The following RANBP3 variants were observed in gnomAD, a reference collection of about 807,000 sequenced individuals.
RANBP3 encodes the protein RAN binding protein 3, also known as ran-binding protein 3.
In RANBP3, 14 loss-of-function variants were observed where a neutral mutation model predicts 77.3. The observed-to-expected ratio is 0.18, with a 90% CI of 0.12 to 0.28. The LOEUF is 0.28. RANBP3 is among the 10% of genes least tolerant of loss of function. The pLI, the probability that RANBP3 is intolerant of heterozygous loss-of-function variation, is 1.00. For synonymous variants in RANBP3, 315 were observed against 312.4 expected (o/e 1.01, Z -0.09); for missense variants, 586 against 752.3 (o/e 0.78, Z 2.59).
chr19:5,960,022 C>A (rs922373147), intron 1 of RANBP3, among the ~76,000 whole-genome samples: 6 of 152,136 alleles, frequency 3.9e-5, no homozygotes, highest in African/African-American at 1.4e-4. Flanking sequence ...ATGAACAAGG[C>A]CAGGCCTTTC....
chr19:5,946,925 G>A (rs1396283790), intron 3 of RANBP3, among the ~76,000 whole-genome samples: 1 of 152,212 alleles, frequency 6.6e-6, no homozygotes, highest in Non-Finnish European at 1.5e-5. Context: ...CCCAAACAAG[G>A]CAGTGGGTCC....
At position 5,917,283 on chromosome 19, in the gene RANBP3, C is replaced by T. The variant is rs551600147; in HGVS notation, c.*327G>A. Reference sequence around the variant, plus strand: ...GGCTCTGGCTGGACCCAGAGGCTGGCGACACGCGGGGTGAAGGAACGAGGT... The same window carrying T: ...GGCTCTGGCTGGACCCAGAGGCTGGTGACACGCGGGGTGAAGGAACGAGGT... On this transcript the variant is annotated 3_prime_UTR_variant, in exon 17 of 17. Coordinates refer to ENST00000340578, the MANE Select transcript of RANBP3 (RefSeq NM_007322.3). 4 of 397,814 alleles carry T rather than the reference C, an allele frequency of 1.0e-5. No homozygotes were observed. The highest frequency in any genetic ancestry group is 4.5e-5 in the Admixed American group (1 of 22,444). The allele number at this position is 397,814 out of a possible 1,614,324, so 24.6% of individuals were successfully genotyped here. A position where few individuals can be genotyped will look rare whatever the true frequency, so the allele number is the denominator to read the frequency against.
intron 16 of RANBP3, 28 bp from the exon 17 acceptor site, chr19:5,917,681 G>A (rs1389599522): frequency 6.2e-7 from 1 of 1,603,766 alleles, no homozygotes; most frequent in Admixed American, 1.7e-5. Context: ...CCCCGCATCA[G>A]GATGGAGCCC....
In RANBP3 at chr19:5,917,604, C is replaced by A; in HGVS notation, c.*6G>T. ...GCAGCCTGGTGTGCAGCCGGGCTCC[C>A]GGCCGCTATGTGCTCCCGGTCGTCT... On this transcript the variant is annotated 3_prime_UTR_variant, in exon 17 of 17. Transcript: ENST00000340578. 2 of 1,595,846 alleles carry A rather than the reference C, an allele frequency of 1.3e-6. No homozygotes were observed. Among genetic ancestry groups the A allele is most frequent in the Non-Finnish European group, 1.7e-6 (2 of 1,175,056 alleles).
At chr19:5,937,056 C>CAAAAAAAAA (rs71172783) in intron 5 of RANBP3, among the ~76,000 whole-genome samples, 464 of 37,154 alleles carry the variant, frequency 0.012, 53 homozygotes, top group African/African-American at 0.021. Flanking sequence ...ACTCTGTCTC[C>CAAAAAAAAA]AAAAAAAAAA....
At chr19:5,917,768 C>A (rs3745632) in intron 16 of RANBP3, 26 bp downstream of exon 16, 5 of 1,596,146 alleles carry the variant, frequency 3.1e-6, no homozygotes, top group East Asian at 2.2e-5. Context: ...TTCTATCCCC[C>A]CCAGGGTAGG....
chr19:5,954,447 T>A (rs1186914254), intron 2 of RANBP3, among the ~76,000 whole-genome samples: 1 of 152,088 alleles, frequency 6.6e-6, no homozygotes, highest in Non-Finnish European at 1.5e-5. Context: ...AATGGCCTCA[T>A]CCCTATGAGA....
At chr19:5,971,329 TTCTC>T (rs955586400) in intron 1 of RANBP3, among the ~76,000 whole-genome samples, 2 of 152,182 alleles carry the variant, frequency 1.3e-5, no homozygotes, top group African/African-American at 2.4e-5. Context: ...GATAGCTGAA[TTCTC>T]TCTCTTTTTT....
Position 5,926,909 on chromosome 19 carries a change from A to G in RANBP3, c.813+1059T>C, listed in dbSNP as rs2057918001. On this transcript the variant is annotated intron_variant, in intron 9 of 16. Transcript: ENST00000340578. ...GAAAACACAAGCCGGTGCTTTCTGC[A>G]TGCTAGAGAGGTTTTTGTTTATTTC... 2.6e-5 allele frequency among the ~76,000 whole-genome samples: 4 copies of G among 152,190 alleles called. No homozygotes were observed. The South Asian group carries it at 8.3e-4, about 31-fold the overall frequency.
At chr19:5,976,738 G>A (rs1252815791) in intron 1 of RANBP3, among the ~76,000 whole-genome samples, 3 of 152,130 alleles carry the variant, frequency 2.0e-5, no homozygotes, top group Admixed American at 6.5e-5. Context: ...GCTAGACTCC[G>A]TCCCAAAAAA....
At chr19:5,975,655 G>C (rs1184200981) in intron 1 of RANBP3, among the ~76,000 whole-genome samples, 1 of 145,938 alleles carries the variant, frequency 6.9e-6, no homozygotes, top group Non-Finnish European at 1.5e-5. Context: ...GTAATATCTA[G>C]CATGCCGGAT....
intron 1 of RANBP3, among the ~76,000 whole-genome samples, chr19:5,971,224 C>T (rs1015208620): frequency 6.6e-6 from 1 of 152,226 alleles, no homozygotes; most frequent in East Asian, 1.9e-4. Flanking sequence ...AGTTAAATAA[C>T]ATATTTTTAT....
intron 14 of RANBP3, 34 bp from the exon 15 acceptor site, chr19:5,918,672 C>A (rs374677399): frequency 5.3e-5 from 85 of 1,602,914 alleles, no homozygotes; most frequent in Non-Finnish European, 6.8e-5. Context: ...CCCTGGCCCC[C>A]ACACCGGCCC....
At chr19:5,932,783 A>G in intron 6 of RANBP3, 1 of 534,882 alleles carries the variant, frequency 1.9e-6, no homozygotes. Context: ...TAATCCAGTT[A>G]GCACAGTAAC....
intron 3 of RANBP3, among the ~76,000 whole-genome samples, chr19:5,949,460 C>T (rs1007252228): frequency 1.3e-5 from 2 of 152,246 alleles, no homozygotes; most frequent in Non-Finnish European, 2.9e-5. Context: ...TCAGAGCTGT[C>T]ACAAGGGGCT....
chr19:5,930,947 G>C (rs2057981092), intron 8 of RANBP3, among the ~76,000 whole-genome samples: 1 of 152,174 alleles, frequency 6.6e-6, no homozygotes, highest in African/African-American at 2.4e-5. Flanking sequence ...CTGAGGGGTG[G>C]TTTGGGTGTG....
chr19:5,969,814 C>A (rs527637911), intron 1 of RANBP3, among the ~76,000 whole-genome samples: 1 of 152,360 alleles, frequency 6.6e-6, no homozygotes, highest in African/African-American at 2.4e-5. Flanking sequence ...CACCCTGGAC[C>A]AGAGGCAGTG....
rs777425771 is a variant in RANBP3 at position 5,921,355 on chromosome 19, C to T, written c.1210-34G>A. 13 of 1,610,156 alleles carry T rather than the reference C, an allele frequency of 8.1e-6. No individual in the cohort carries two copies. Among genetic ancestry groups the T allele is most frequent in the East Asian group, 2.2e-5 (1 of 44,760 alleles). ...CAGTGGCCGCCGGTAAGCAGGGACC[C>T]CAGCTGGTGTCCTGCTGCAGCCACA... On this transcript the variant is annotated intron_variant, in intron 13 of 16. Coordinates refer to ENST00000340578, the MANE Select transcript of RANBP3 (RefSeq NM_007322.3). The surrounding 1 kb of genome is among the most constrained non-coding windows in gnomAD (Gnocchi z 5.3).
chr19:5,962,701 C>T (rs2058418758), intron 1 of RANBP3: 1 of 456,052 alleles, frequency 2.2e-6, no homozygotes, highest in Non-Finnish European at 4.4e-6. Context: ...GAGCTTTAGT[C>T]ACATCTGCAC....
Sources: allele counts gnomAD v4.1 joint callset (sites outside exome capture counted in the v4.1 genomes callset), GRCh38; gene constraint gnomAD v4.1.1; non-coding constraint Gnocchi (gnomAD v3.1); transcripts MANE v1.5; gene names NCBI Gene and HGNC (gene_info 2026-07-23, HGNC 2026-07-21).